Variants in CNTN5 observed in about 807,000 individuals in gnomAD.
The protein encoded by CNTN5 is contactin 5, also known as contactin-5.
In CNTN5, 77 loss-of-function variants were observed where a neutral mutation model predicts 129.1. That is an observed-to-expected ratio of 0.60 (90% CI 0.50 to 0.72). The LOEUF (loss-of-function observed/expected upper bound fraction) is 0.72. Among genes scored for constraint, CNTN5 ranks in the 30% least tolerant of loss-of-function variants. The pLI is 0.00. For missense variants in CNTN5, 1,478 were observed against 1,328.8 expected (o/e 1.11, Z -1.75); for synonymous variants, 509 against 465.6 (o/e 1.09, Z -1.20).
At chr11:99,194,350 A>G (rs1858795265) in intron 1 of CNTN5, among the ~76,000 whole-genome samples, 1 of 152,132 alleles carries the variant, frequency 6.6e-6, no homozygotes, top group Non-Finnish European at 1.5e-5. Context: ...TAAAAACCTT[A>G]AAACTGTGAG....
At chr11:99,262,726 C>G (rs1016595816) in intron 1 of CNTN5, among the ~76,000 whole-genome samples, 1 of 150,776 alleles carries the variant, frequency 6.6e-6, no homozygotes, top group African/African-American at 2.4e-5. Flanking sequence ...TTTTATTCTG[C>G]TTTGTTTTTA....
At chr11:99,396,173 A>C (rs1223334413) in intron 2 of CNTN5, among the ~76,000 whole-genome samples, 1 of 51,664 alleles carries the variant, frequency 1.9e-5, no homozygotes, top group Non-Finnish European at 3.7e-5. Context: ...TCTATCCATG[A>C]TCATGGAATG....
At chr11:100,039,788 C>T (rs534118701) in intron 9 of CNTN5, among the ~76,000 whole-genome samples, 23 of 152,308 alleles carry the variant, frequency 1.5e-4, no homozygotes, top group Non-Finnish European at 2.5e-4. Context: ...GCATTCGTCA[C>T]GTAGCTCTCA....
At chr11:99,222,525 T>A (rs903096600) in intron 1 of CNTN5, among the ~76,000 whole-genome samples, 1 of 152,066 alleles carries the variant, frequency 6.6e-6, no homozygotes, top group African/African-American at 2.4e-5. Context: ...ATCAACCTTA[T>A]GAACATTTTC....
At chr11:99,168,589 C>CAAAACAAAACAAAAG (rs1433990475) in intron 1 of CNTN5, among the ~76,000 whole-genome samples, 4 of 151,346 alleles carry the variant, frequency 2.6e-5, no homozygotes, top group African/African-American at 9.8e-5. Context: ...CAAAACAAAA[C>CAAAACAAAACAAAAG]AAAACAAAAC....
chr11:99,538,869 A>T (rs910697151), intron 2 of CNTN5, among the ~76,000 whole-genome samples: 1 of 152,166 alleles, frequency 6.6e-6, no homozygotes, highest in Non-Finnish European at 1.5e-5. Context: ...TTTTGCAAAC[A>T]TAATTTTTAA....
chr11:99,635,951 A>G (rs567679150), intron 3 of CNTN5, among the ~76,000 whole-genome samples: 3 of 152,310 alleles, frequency 2.0e-5, no homozygotes, highest in East Asian at 3.9e-4. Flanking sequence ...ACTATTTGCA[A>G]TGGAAAATGA....
chr11:99,205,431 G>C (rs145488401), intron 1 of CNTN5, among the ~76,000 whole-genome samples: 2 of 152,146 alleles, frequency 1.3e-5, no homozygotes, highest in East Asian at 1.9e-4. Flanking sequence ...GATTGTGTCT[G>C]CTGTAGCAAT....
At chr11:99,670,595 G>A (rs1435365511) in intron 3 of CNTN5, among the ~76,000 whole-genome samples, 1 of 152,140 alleles carries the variant, frequency 6.6e-6, no homozygotes, top group Non-Finnish European at 1.5e-5. Flanking sequence ...TCCTGATTTA[G>A]GCTTTGCCTA....
chr11:99,283,545 G>A (rs779685682), intron 1 of CNTN5, among the ~76,000 whole-genome samples: 6 of 152,022 alleles, frequency 3.9e-5, no homozygotes, highest in Admixed American at 6.6e-5. Flanking sequence ...ATTTTGTCAA[G>A]CCTAAATTAA....
chr11:99,681,815 C>T lies in CNTN5; in HGVS notation c.55+125546C>T, dbSNP rs187544143. 1.1e-3 allele frequency among the ~76,000 whole-genome samples: 168 copies of T among 151,988 alleles called. 2 individuals carry two copies. The highest frequency in any genetic ancestry group is 1.9e-3 in the Non-Finnish European group (132 of 67,954). ...CTACACTTCTGTAGTTTACCTGAAACGATTAACTCCAAAACATATCTTAGT... is the reference window on the plus strand; with the variant it reads ...CTACACTTCTGTAGTTTACCTGAAATGATTAACTCCAAAACATATCTTAGT... On this transcript the variant is annotated intron_variant, in intron 3 of 24. Coordinates refer to ENST00000524871, the MANE Select transcript of CNTN5 (RefSeq NM_014361.4).
chr11:99,490,007 G>C (rs1042804394), intron 2 of CNTN5, among the ~76,000 whole-genome samples: 3 of 152,016 alleles, frequency 2.0e-5, no homozygotes, highest in Non-Finnish European at 1.5e-5. Flanking sequence ...ATTATATCTG[G>C]ACATATTCAC....
At chr11:99,421,101 T>A (rs2135053578) in intron 2 of CNTN5, among the ~76,000 whole-genome samples, 1 of 151,962 alleles carries the variant, frequency 6.6e-6, no homozygotes, top group South Asian at 2.1e-4. Flanking sequence ...TGTTTACACT[T>A]AGGGGGAGAT....
chr11:99,446,638 GA>G (rs1944084750), intron 2 of CNTN5, among the ~76,000 whole-genome samples: 1 of 152,124 alleles, frequency 6.6e-6, no homozygotes, highest in African/African-American at 2.4e-5. Flanking sequence ...ATGTGCATTT[GA>G]AAAGTGATTT....
At chr11:99,973,125 C>T (rs1169113487) in intron 8 of CNTN5, among the ~76,000 whole-genome samples, 1 of 152,042 alleles carries the variant, frequency 6.6e-6, no homozygotes, top group Non-Finnish European at 1.5e-5. Flanking sequence ...TCCTGGTTCT[C>T]CCTTAGATAT....
intron 3 of CNTN5, among the ~76,000 whole-genome samples, chr11:99,728,894 C>T (rs1235687457): frequency 2.6e-5 from 4 of 152,152 alleles, no homozygotes; most frequent in African/African-American, 4.8e-5. Context: ...AACTTAGGAA[C>T]ACAGGTTAAG....
At chr11:99,540,557 G>C (rs1181589125) in intron 2 of CNTN5, among the ~76,000 whole-genome samples, 1 of 152,120 alleles carries the variant, frequency 6.6e-6, no homozygotes, top group Admixed American at 6.6e-5. Flanking sequence ...TAAAGTGTTA[G>C]ATTAATGCAG....
chr11:99,039,586 CAA>C (rs1863905501), intron 1 of CNTN5, among the ~76,000 whole-genome samples: 1 of 152,096 alleles, frequency 6.6e-6, no homozygotes, highest in African/African-American at 2.4e-5. Context: ...GTGTCAAACA[CAA>C]AGAATGCTAG....
chr11:100,209,922 C>T (rs1272874895), intron 15 of CNTN5, among the ~76,000 whole-genome samples: 1 of 152,066 alleles, frequency 6.6e-6, no homozygotes, highest in East Asian at 1.9e-4. Context: ...TGCTGCAGAG[C>T]TTAACTAGTG....
Sources: allele counts gnomAD v4.1 joint callset (sites outside exome capture counted in the v4.1 genomes callset), GRCh38; gene constraint gnomAD v4.1.1; transcripts MANE v1.5; gene names NCBI Gene and HGNC (gene_info 2026-07-23, HGNC 2026-07-21).